MACROD2: variants seen among roughly 807,000 people sequenced by gnomAD.
MACROD2 encodes the protein ADP-ribose glycohydrolase MACROD2.
Under a neutral mutation model 70.4 loss-of-function variants are expected in MACROD2, and 36 were observed. The observed-to-expected ratio is 0.51, with a 90% confidence interval of 0.39 to 0.68. MACROD2 has a LOEUF of 0.68. Among genes scored for constraint, MACROD2 ranks in the 30% least tolerant of loss-of-function variants. The pLI, the probability that MACROD2 is intolerant of heterozygous loss-of-function variation, is 0.00. For missense variants in MACROD2, 496 were observed against 538.4 expected, an observed-to-expected ratio of 0.92 and a Z score of 0.78; for synonymous variants, 172 against 178.8, an observed-to-expected ratio of 0.96 and a Z score of 0.30.
At chr20:14,372,076 C>T (rs1041880614) in intron 3 of MACROD2, among the ~76,000 whole-genome samples, 5 of 152,070 alleles carry the variant, frequency 3.3e-5, no homozygotes, top group African/African-American at 1.2e-4. Context: ...AGGGACCTTG[C>T]CTGATTTTGC....
At chr20:15,327,578 G>C (rs1343911069) in intron 6 of MACROD2, among the ~76,000 whole-genome samples, 1 of 152,034 alleles carries the variant, frequency 6.6e-6, no homozygotes, top group Non-Finnish European at 1.5e-5. Flanking sequence ...GATCTCACGA[G>C]AACTCACTCA....
intron 6 of MACROD2, among the ~76,000 whole-genome samples, chr20:15,346,160 C>T (rs1048448684): frequency 2.0e-5 from 3 of 151,854 alleles, no homozygotes; most frequent in Non-Finnish European, 4.4e-5. Flanking sequence ...ATAGCTTGCT[C>T]ACTGCATCCT....
intron 4 of MACROD2, among the ~76,000 whole-genome samples, chr20:14,524,736 C>T (rs1397159493): frequency 6.6e-6 from 1 of 152,164 alleles, no homozygotes. Flanking sequence ...CACCCCACCC[C>T]AACTTTACCA....
At chr20:15,579,342 A>G (rs1173039424) in intron 8 of MACROD2, among the ~76,000 whole-genome samples, 1 of 152,344 alleles carries the variant, frequency 6.6e-6, no homozygotes, top group East Asian at 1.9e-4. Flanking sequence ...AGAAGCAACA[A>G]TCAATTCATG....
chr20:14,896,406 TA>T lies in MACROD2; in HGVS notation c.418+211455del, dbSNP rs370614498. On this transcript the variant is annotated intron_variant, in intron 5 of 17. Transcript: ENST00000684519. ...TTGTCTTAGTCATTATCCTTGCTTT[TA>T]AAAAAAATGTTAGAATTCCTTTTTC... 9.7e-4 allele frequency among the ~76,000 whole-genome samples: 147 copies of T among 152,206 alleles called. 2 individuals are homozygous for T. The highest frequency in any genetic ancestry group is 3.1e-3 in the African/African-American group (129 of 41,542).
intron 2 of MACROD2, among the ~76,000 whole-genome samples, chr20:14,044,663 C>T (rs933339964): frequency 6.6e-6 from 1 of 152,172 alleles, no homozygotes; most frequent in African/African-American, 2.4e-5. Flanking sequence ...TATTTACAAA[C>T]CCTGAGCTAG....
intron 5 of MACROD2, among the ~76,000 whole-genome samples, chr20:14,810,787 A>G (rs2072700375): frequency 6.6e-6 from 1 of 152,082 alleles, no homozygotes; most frequent in South Asian, 2.1e-4. Context: ...ATTCCTATAC[A>G]CCAATAGTAG....
intron 5 of MACROD2, among the ~76,000 whole-genome samples, chr20:14,832,090 T>A (rs2072976343): frequency 1.5e-5 from 2 of 131,326 alleles, no homozygotes; most frequent in South Asian, 2.8e-4. Flanking sequence ...TGGCCCAGGC[T>A]GGAGTGCAGT....
At chr20:14,849,335 C>A (rs1204141520) in intron 5 of MACROD2, among the ~76,000 whole-genome samples, 1 of 152,082 alleles carries the variant, frequency 6.6e-6, no homozygotes, top group Admixed American at 6.6e-5. Context: ...TGCTTTATTG[C>A]TAGAATGTGA....
At chr20:15,500,265 ATCACTTCCCTAAAG>A (rs2047348424) in intron 8 of MACROD2, among the ~76,000 whole-genome samples, 1 of 152,140 alleles carries the variant, frequency 6.6e-6, no homozygotes, top group Non-Finnish European at 1.5e-5. Flanking sequence ...TTTATAACTA[ATCACTTCCCTAAAG>A]TCACTTCTGA....
At chr20:15,103,071 G>T (rs1489622072) in intron 5 of MACROD2, among the ~76,000 whole-genome samples, 2 of 152,054 alleles carry the variant, frequency 1.3e-5, no homozygotes, top group Non-Finnish European at 2.9e-5. Context: ...ACAAAATTCA[G>T]CATTGTGAAG....
intron 8 of MACROD2, among the ~76,000 whole-genome samples, chr20:15,647,342 A>C (rs934848798): frequency 1.3e-5 from 2 of 152,200 alleles, no homozygotes; most frequent in African/African-American, 4.8e-5. Context: ...GCAGGAAACA[A>C]AGATGGTATG....
At chr20:14,989,771 C>T (rs540046297) in intron 5 of MACROD2, among the ~76,000 whole-genome samples, 1 of 152,058 alleles carries the variant, frequency 6.6e-6, no homozygotes, top group African/African-American at 2.4e-5. Flanking sequence ...GGGTCCGGTC[C>T]GTTTTAGGTC....
At chr20:15,083,155 G>T (rs549455888) in intron 5 of MACROD2, among the ~76,000 whole-genome samples, 2 of 152,156 alleles carry the variant, frequency 1.3e-5, no homozygotes, top group Admixed American at 6.5e-5. Context: ...GACAAAGGTC[G>T]TGGTCTGTGG....
intron 8 of MACROD2, among the ~76,000 whole-genome samples, chr20:15,774,436 T>C (rs911653000): frequency 6.6e-6 from 1 of 152,158 alleles, no homozygotes; most frequent in Non-Finnish European, 1.5e-5. Context: ...TCTTTTACTT[T>C]GAAATCTCAA....
chr20:15,842,500 A>G (rs1185746305), intron 8 of MACROD2, among the ~76,000 whole-genome samples: 1 of 144,102 alleles, frequency 6.9e-6, no homozygotes, highest in African/African-American at 2.6e-5. Context: ...TAAGACACCA[A>G]AGAAATTGGC....
At chr20:15,177,576 A>G (rs983092408) in intron 5 of MACROD2, among the ~76,000 whole-genome samples, 1 of 152,100 alleles carries the variant, frequency 6.6e-6, no homozygotes, top group Non-Finnish European at 1.5e-5. Context: ...GAACTTTAAG[A>G]CTGAACTCTG....
chr20:14,529,524 T>C (rs762282741), intron 4 of MACROD2, among the ~76,000 whole-genome samples: 5 of 152,170 alleles, frequency 3.3e-5, no homozygotes, highest in African/African-American at 4.8e-5. Flanking sequence ...AAGCATAAAA[T>C]AAAAATTCCC....
At chr20:15,839,204 C>G (rs1600976642) in intron 8 of MACROD2, among the ~76,000 whole-genome samples, 1 of 152,084 alleles carries the variant, frequency 6.6e-6, no homozygotes, top group Non-Finnish European at 1.5e-5. Context: ...AGAAGCATCC[C>G]TTGAGAGGAA....
Sources: allele counts gnomAD v4.1 joint callset (sites outside exome capture counted in the v4.1 genomes callset), GRCh38; gene constraint gnomAD v4.1.1; transcripts MANE v1.5; gene names NCBI Gene and HGNC (gene_info 2026-07-23, HGNC 2026-07-21).